Variants in GPD2 observed in about 807,000 individuals in gnomAD.
GPD2 encodes glycerol-3-phosphate dehydrogenase 2, also known as glycerol-3-phosphate dehydrogenase, mitochondrial.
Under a neutral mutation model 82.4 loss-of-function variants are expected in GPD2, and 54 were observed. The observed-to-expected ratio is 0.66, with a 90% confidence interval of 0.53 to 0.82. The LOEUF (loss-of-function observed/expected upper bound fraction) is 0.82. Among genes scored for constraint, GPD2 ranks in the 40% least tolerant of loss-of-function variants. The pLI, the probability that GPD2 is intolerant of heterozygous loss-of-function variation, is 0.00. For missense variants in GPD2, 748 were observed against 896.2 expected, an observed-to-expected ratio of 0.83 and a Z score of 2.11; for synonymous variants, 288 against 306.1, an observed-to-expected ratio of 0.94 and a Z score of 0.62.
chr2:156,571,126 A>T lies in GPD2; in HGVS notation c.1609-8A>T. The T allele has an allele frequency of 6.3e-7, 1 of 1,583,348 alleles. No individual in the cohort carries two copies. The highest frequency in any genetic ancestry group is 8.7e-7 in the Non-Finnish European group (1 of 1,151,914). ...TCAACTAATAATTTTTCTTTAATTCAAACTCAGGTGAAATATGGGATTAAG... is the reference window on the plus strand; with the variant it reads ...TCAACTAATAATTTTTCTTTAATTCTAACTCAGGTGAAATATGGGATTAAG... On this transcript the variant is annotated splice_region_variant and splice_polypyrimidine_tract_variant and intron_variant, in intron 12 of 16. Coordinates refer to ENST00000438166, the MANE Select transcript of GPD2 (RefSeq NM_000408.5).
the GPD2 span, among the ~76,000 whole-genome samples, chr2:156,405,218 G>T: frequency 6.6e-6 from 1 of 152,284 alleles, no homozygotes; most frequent in East Asian, 1.9e-4. Flanking sequence ...ATAGACTTGG[G>T]GTGTAGTGTA....
intron 9 of GPD2, among the ~76,000 whole-genome samples, chr2:156,559,801 A>G (rs1261674680): frequency 1.3e-5 from 2 of 152,212 alleles, no homozygotes; most frequent in African/African-American, 4.8e-5. Flanking sequence ...TATTTGAAAA[A>G]TAGTTTGACT....
chr2:156,534,038 A>T (rs1298196189), intron 6 of GPD2, among the ~76,000 whole-genome samples: 2 of 152,226 alleles, frequency 1.3e-5, no homozygotes, highest in African/African-American at 4.8e-5. Context: ...GTATCCAGGA[A>T]GTATCAGGTC....
intron 1 of GPD2, among the ~76,000 whole-genome samples, 185 bp from the exon 2 acceptor site, chr2:156,475,913 C>T (rs1485566317): frequency 6.6e-6 from 1 of 152,078 alleles, no homozygotes; most frequent in Non-Finnish European, 1.5e-5. Flanking sequence ...ATTCCCTTGT[C>T]TAGAATTTTT....
intron 1 of GPD2, among the ~76,000 whole-genome samples, chr2:156,464,750 C>T (rs1009153436): frequency 1.3e-5 from 2 of 152,086 alleles, no homozygotes; most frequent in African/African-American, 4.8e-5. Context: ...AAAATAAGCT[C>T]AGGATTTCTT....
At chr2:156,401,213 A>G in the GPD2 span, among the ~76,000 whole-genome samples, 1 of 152,182 alleles carries the variant, frequency 6.6e-6, no homozygotes, top group African/African-American at 2.4e-5. Context: ...CTGAACCACC[A>G]ATGCTTATAG....
At chr2:156,442,477 G>A (rs1682208882) in intron 1 of GPD2, among the ~76,000 whole-genome samples, 1 of 152,164 alleles carries the variant, frequency 6.6e-6, no homozygotes, top group Non-Finnish European at 1.5e-5. Flanking sequence ...CAGAGTACTA[G>A]GTTCTCAAAA....
At chr2:156,506,294 G>A (rs1344448507) in intron 3 of GPD2, among the ~76,000 whole-genome samples, 2 of 152,148 alleles carry the variant, frequency 1.3e-5, no homozygotes, top group Non-Finnish European at 2.9e-5. Flanking sequence ...GGAAGGAGCA[G>A]TATCGTTTCT....
At position 156,583,936 on chromosome 2, in the gene GPD2, C is replaced by G. The variant is rs1249382141; in HGVS notation, c.*1018C>G. 1 of 152,094 alleles carries G rather than the reference C, an allele frequency of 6.6e-6. No homozygotes were observed. The highest frequency in any genetic ancestry group is 2.4e-5 in the African/African-American group (1 of 41,314). 9.4% of individuals were successfully genotyped at this position (152,094 alleles called of 1,614,324 possible). ...CCATCTTTTTTGGGGGTACTTGCAA[C>G]CATAGTAAAGGAAGATGGAATAGAC... On this transcript the variant is annotated 3_prime_UTR_variant, in exon 17 of 17. Transcript: ENST00000438166.
chr2:156,558,168 T>C (rs543431778), intron 9 of GPD2, among the ~76,000 whole-genome samples: 17 of 152,306 alleles, frequency 1.1e-4, no homozygotes, highest in African/African-American at 4.1e-4. Flanking sequence ...TAGTTTTTTG[T>C]TTTTTTCATT....
At chr2:156,459,256 A>G (rs1177294266) in intron 1 of GPD2, among the ~76,000 whole-genome samples, 3 of 151,904 alleles carry the variant, frequency 2.0e-5, no homozygotes, top group Non-Finnish European at 4.4e-5. Context: ...TTCAAGTCAG[A>G]GTGGGTTAAG....
rs5835627 is a variant in GPD2, at chr2:156,582,484, TAA to T, written c.2059-294_2059-293del. Among the ~76,000 whole-genome samples the T allele has an allele frequency of 4.8e-4, 66 of 136,560 alleles. 1 individual carries two copies. Among genetic ancestry groups the T allele is most frequent in the South Asian group, 1.4e-3 (6 of 4,250 alleles). The allele number at this position is 136,560 out of a possible 152,430, so 89.6% of individuals were successfully genotyped here. On this transcript the variant is annotated intron_variant, in intron 16 of 16. Transcript: ENST00000438166. Reference sequence around the variant, plus strand: ...TTAAAGATCCAATATTTGAAGTTGCTAAAAAAAAAAAAAAAAGTGCCTTGAGC... The same window carrying T: ...TTAAAGATCCAATATTTGAAGTTGCTAAAAAAAAAAAAAAGTGCCTTGAGC...
chr2:156,428,092 C>T, the GPD2 span, among the ~76,000 whole-genome samples: 1 of 152,170 alleles, frequency 6.6e-6, no homozygotes, highest in African/African-American at 2.4e-5. Context: ...CCCACTTCTC[C>T]CCACTGCTGG....
chr2:156,511,486 A>T (rs1201764419), intron 4 of GPD2, among the ~76,000 whole-genome samples: 4 of 152,190 alleles, frequency 2.6e-5, no homozygotes, highest in African/African-American at 9.6e-5. Flanking sequence ...CTCTTTTTGT[A>T]CATGAAAAAC....
chr2:156,523,318 A>G (rs1685483464), intron 6 of GPD2, among the ~76,000 whole-genome samples: 1 of 152,150 alleles, frequency 6.6e-6, no homozygotes, highest in African/African-American at 2.4e-5. Context: ...CTTTCCCAGA[A>G]TGACATGTAG....
chr2:156,467,416 G>A (rs1033310320), intron 1 of GPD2, among the ~76,000 whole-genome samples: 8 of 152,240 alleles, frequency 5.3e-5, no homozygotes, highest in African/African-American at 1.9e-4. Flanking sequence ...CTTTTACTTG[G>A]TTTTTTGATT....
At chr2:156,401,665 AT>A in the GPD2 span, among the ~76,000 whole-genome samples, 1 of 152,230 alleles carries the variant, frequency 6.6e-6, no homozygotes, top group Non-Finnish European at 1.5e-5. Flanking sequence ...TGATTTGGAA[AT>A]TGGTAAATTG....
intron 1 of GPD2, among the ~76,000 whole-genome samples, chr2:156,438,490 T>G (rs1409887591): frequency 6.6e-6 from 1 of 152,172 alleles, no homozygotes; most frequent in Non-Finnish European, 1.5e-5. Context: ...TTTCGGTTAG[T>G]TGAGTGTGTT....
At chr2:156,433,904 A>G (rs1327581600), upstream of GPD2, among the ~76,000 whole-genome samples, 1 of 152,228 alleles carries the variant, frequency 6.6e-6, no homozygotes, top group East Asian at 1.9e-4. Context: ...GATCTGGGAT[A>G]ATCAGTGAGA....
Sources: gnomAD v4.1 joint callset for allele counts (sites outside exome capture counted in the v4.1 genomes callset) on GRCh38, gnomAD v4.1.1 for gene constraint, MANE v1.5 for transcripts, NCBI Gene and HGNC (gene_info 2026-07-23, HGNC 2026-07-21) for gene names.